Variants in UVRAG observed in about 807,000 individuals in gnomAD.
The protein encoded by UVRAG is UV radiation resistance-associated gene protein.
In UVRAG, 19 loss-of-function variants were observed where a neutral mutation model predicts 78.0. The observed-to-expected ratio is 0.24, with a 90% CI of 0.17 to 0.36. The LOEUF is 0.36. Ranked by LOEUF, UVRAG falls within the 10% of genes least tolerant of loss-of-function variation. The pLI is 1.00. For synonymous variants in UVRAG, 323 were observed against 324.6 expected (o/e 1.00, Z 0.05); for missense variants, 740 against 853.8 (o/e 0.87, Z 1.66).
chr11:76,139,991 T>TAAAA (rs1297149515), intron 14 of UVRAG, among the ~76,000 whole-genome samples: 1 of 144,814 alleles, frequency 6.9e-6, no homozygotes, highest in Non-Finnish European at 1.5e-5. Flanking sequence ...TTTTTCATTT[T>TAAAA]AAAAAAAAAA....
intron 14 of UVRAG, chr11:76,137,627 T>C: frequency 2.7e-6 from 1 of 369,508 alleles, no homozygotes; most frequent in Non-Finnish European, 5.3e-6. Context: ...GGCTGGGACC[T>C]GTGGCTCACA....
intron 3 of UVRAG, among the ~76,000 whole-genome samples, chr11:75,873,466 C>T (rs747066240): frequency 4.0e-5 from 6 of 151,610 alleles, no homozygotes; most frequent in Non-Finnish European, 8.8e-5. Context: ...AGAAGGCTGA[C>T]AGTTAAAGAG....
chr11:76,033,366 G>T (rs1366927733), intron 12 of UVRAG, among the ~76,000 whole-genome samples: 1 of 152,104 alleles, frequency 6.6e-6, no homozygotes, highest in Non-Finnish European at 1.5e-5. Flanking sequence ...ACTGATAAAT[G>T]AACCTAGTAG....
At chr11:75,843,915 C>T (rs1000007562) in intron 1 of UVRAG, among the ~76,000 whole-genome samples, 15 of 149,568 alleles carry the variant, frequency 1.0e-4, no homozygotes, top group African/African-American at 3.0e-4. Context: ...GCTGAGATTG[C>T]GCCACTGCAC....
intron 6 of UVRAG, among the ~76,000 whole-genome samples, chr11:75,959,876 G>A (rs919254241): frequency 1.3e-5 from 2 of 152,178 alleles, no homozygotes; most frequent in Admixed American, 6.5e-5. Flanking sequence ...TTTCATTATT[G>A]TTGTGTCTCA....
chr11:76,023,677 C>A (rs148471976), intron 12 of UVRAG, among the ~76,000 whole-genome samples: 2,714 of 152,082 alleles, frequency 0.018, 31 homozygotes, highest in Non-Finnish European at 0.029. Context: ...TCTTCAAGAC[C>A]TATGCTGAGC....
intron 9 of UVRAG, among the ~76,000 whole-genome samples, chr11:76,005,850 A>G (rs1949925273): frequency 6.6e-6 from 1 of 152,234 alleles, no homozygotes; most frequent in South Asian, 2.1e-4. Context: ...GGACATTACA[A>G]AAGATACCGA....
In UVRAG at chr11:76,140,925, G is replaced by A; in HGVS notation, c.1612G>A (p.Gly538Arg). 6.2e-7 allele frequency: 1 copy of A among 1,614,092 alleles called. No individual in the cohort carries two copies. Among genetic ancestry groups the A allele is most frequent in the South Asian group, 1.1e-5 (1 of 91,076 alleles). ...GCCTGTGACCACCGTCCCCTCCATG[G>A]GAGAGACCGAGAGAAAGATAACATC... ...AQPVTTVPSM[G>R]ETERKITSLS... Residue 538 changes from glycine to arginine, a missense_variant, in exon 15 of 15, where the codon GGA becomes AGA. Transcript: ENST00000356136.
At position 75,945,411 on chromosome 11, in the gene UVRAG, T is replaced by G. The variant is rs370965254; in HGVS notation, c.594-16033T>G. Reference sequence around the variant, plus strand: ...CTGCTGGAGAAAGCCGGAAAACAAATGATTATAGATGATATGAAGTCTAGA... The same window carrying G: ...CTGCTGGAGAAAGCCGGAAAACAAAGGATTATAGATGATATGAAGTCTAGA... On this transcript the variant is annotated intron_variant, in intron 6 of 14. Transcript: ENST00000356136. 1.4e-4 allele frequency among the ~76,000 whole-genome samples: 22 copies of G among 152,178 alleles called. No individual in the cohort carries two copies. In the South Asian group the frequency reaches 4.6e-3, roughly 32 times the overall value.
chr11:75,890,125 G>A (rs1016929731), intron 5 of UVRAG, among the ~76,000 whole-genome samples: 1 of 152,246 alleles, frequency 6.6e-6, no homozygotes, highest in African/African-American at 2.4e-5. Context: ...GGGCTGGAGA[G>A]CTAGGCAGGG....
At chr11:76,117,612 G>A (rs1173308957) in intron 14 of UVRAG, among the ~76,000 whole-genome samples, 3 of 152,112 alleles carry the variant, frequency 2.0e-5, no homozygotes, top group Admixed American at 1.3e-4. Context: ...GAAATAAAAC[G>A]GGCTTGCAAA....
intron 2 of UVRAG, among the ~76,000 whole-genome samples, chr11:75,859,195 C>G (rs763812931): frequency 6.6e-6 from 1 of 151,972 alleles, no homozygotes; most frequent in East Asian, 1.9e-4. Flanking sequence ...GCCAACATGG[C>G]GAAACCTCTT....
At chr11:75,987,550 T>C (rs545866158) in intron 8 of UVRAG, among the ~76,000 whole-genome samples, 10 of 152,330 alleles carry the variant, frequency 6.6e-5, no homozygotes, top group Middle Eastern at 3.4e-3. Flanking sequence ...GTCTGAGACA[T>C]CCAGTACAAT....
chr11:75,948,406 G>A (rs1395176461), intron 6 of UVRAG, among the ~76,000 whole-genome samples: 1 of 152,084 alleles, frequency 6.6e-6, no homozygotes, highest in African/African-American at 2.4e-5. Context: ...GAAATTATGC[G>A]GATAAGAGCA....
chr11:75,922,440 A>G (rs761890285), intron 6 of UVRAG, among the ~76,000 whole-genome samples: 22 of 152,016 alleles, frequency 1.4e-4, no homozygotes, highest in Non-Finnish European at 2.6e-4. Flanking sequence ...TTTTAAGGAA[A>G]GCTCTCCTTT....
At chr11:75,898,882 A>G (rs553787414) in intron 5 of UVRAG, among the ~76,000 whole-genome samples, 10 of 152,286 alleles carry the variant, frequency 6.6e-5, no homozygotes, top group African/African-American at 1.7e-4. Context: ...CTTGCTAGTC[A>G]TACTAATGGA....
chr11:75,877,915 A>G (rs1273938433), intron 3 of UVRAG, among the ~76,000 whole-genome samples: 3 of 95,386 alleles, frequency 3.1e-5, no homozygotes, highest in East Asian at 3.0e-4. Context: ...CGGGGGGCTG[A>G]CCCCCCCACC....
At chr11:76,087,895 G>C (rs947471422) in intron 13 of UVRAG, among the ~76,000 whole-genome samples, 3 of 152,120 alleles carry the variant, frequency 2.0e-5, no homozygotes, top group Non-Finnish European at 2.9e-5. Flanking sequence ...TTGTTTTTGA[G>C]ACAAGATCTC....
intron 1 of UVRAG, among the ~76,000 whole-genome samples, chr11:75,845,984 G>A (rs1946024885): frequency 1.3e-5 from 2 of 152,098 alleles, no homozygotes; most frequent in Non-Finnish European, 2.9e-5. Context: ...ATTTTTTTGT[G>A]TAAATTTACA....
Sources: gnomAD v4.1 joint callset for allele counts (sites outside exome capture counted in the v4.1 genomes callset) on GRCh38, gnomAD v4.1.1 for gene constraint, MANE v1.5 for transcripts, NCBI Gene and HGNC (gene_info 2026-07-23, HGNC 2026-07-21) for gene names.